CACNA1A: variants seen among roughly 807,000 people sequenced by gnomAD.
The protein encoded by CACNA1A is voltage-dependent P/Q-type calcium channel subunit alpha-1A.
CACNA1A carries 57 observed loss-of-function variants against 262.4 expected under a neutral mutation model. The observed-to-expected ratio is 0.22, with a 90% confidence interval of 0.18 to 0.27. The LOEUF (loss-of-function observed/expected upper bound fraction) is 0.27. Ranked by LOEUF, CACNA1A falls within the 10% of genes least tolerant of loss-of-function variation. The pLI, the probability that CACNA1A is intolerant of heterozygous loss-of-function variation, is 1.00. For synonymous variants in CACNA1A, 1,431 were observed against 1,419.3 expected, an observed-to-expected ratio of 1.01 and a Z score of -0.18; for missense variants, 2,526 against 3,562.8, an observed-to-expected ratio of 0.71 and a Z score of 7.41.
intron 11 of CACNA1A, among the ~76,000 whole-genome samples, chr19:13,315,040 T>C (rs2058098729): frequency 6.6e-6 from 1 of 152,082 alleles, no homozygotes; most frequent in African/African-American, 2.4e-5. Flanking sequence ...TTACTTATCC[T>C]TAGCATTGTT....
intron 6 of CACNA1A, among the ~76,000 whole-genome samples, chr19:13,336,664 TAC>T (rs1274140736): frequency 1.6e-4 from 21 of 133,042 alleles, no homozygotes; most frequent in Admixed American, 3.2e-4. Context: ...AGCCAGCACT[TAC>T]AGAGTATTTA....
rs909499550 is a variant in CACNA1A, at chr19:13,214,227, G to A, written c.5940+6C>T. ...CCAGATGTCCCCAGAGCGGCGAACAGCGCACCTGCTCCTCGCGCATGGCCT... is the reference window on the plus strand; with the variant it reads ...CCAGATGTCCCCAGAGCGGCGAACAACGCACCTGCTCCTCGCGCATGGCCT... On this transcript the variant is annotated splice_donor_region_variant and intron_variant, in intron 40 of 46. Transcript: ENST00000360228. The surrounding 1 kb of genome is among the most constrained non-coding windows in gnomAD (Gnocchi z 4.1). The A allele has an allele frequency of 4.4e-6, 7 of 1,604,428 alleles. No homozygotes were observed. Among genetic ancestry groups the A allele is most frequent in the Non-Finnish European group, 5.1e-6 (6 of 1,178,236 alleles).
chr19:13,324,353 T>C (rs1215952190), intron 10 of CACNA1A, among the ~76,000 whole-genome samples: 2 of 152,214 alleles, frequency 1.3e-5, no homozygotes, highest in Admixed American at 6.5e-5. Context: ...CATTTAGTGA[T>C]GCATTAATAC....
chr19:13,387,102 C>T (rs909198194), intron 3 of CACNA1A, among the ~76,000 whole-genome samples: 2 of 152,052 alleles, frequency 1.3e-5, no homozygotes, highest in African/African-American at 4.8e-5. Flanking sequence ...CAGGCGTGCG[C>T]CACCACGCCT....
chr19:13,234,068 G>GT (rs1568445659), intron 34 of CACNA1A, among the ~76,000 whole-genome samples: 1 of 128,074 alleles, frequency 7.8e-6, no homozygotes, highest in Non-Finnish European at 1.7e-5. Context: ...AAAAAAAAAG[G>GT]GCTGGGCACG....
chr19:13,487,932 A>T (rs1980231071), intron 1 of CACNA1A, among the ~76,000 whole-genome samples: 1 of 151,862 alleles, frequency 6.6e-6, no homozygotes, highest in African/African-American at 2.4e-5. Flanking sequence ...CGGCCTCCCA[A>T]GCAGCTAGGA....
intron 6 of CACNA1A, among the ~76,000 whole-genome samples, chr19:13,358,120 G>A (rs570518499): frequency 6.6e-6 from 1 of 152,330 alleles, no homozygotes; most frequent in African/African-American, 2.4e-5. Flanking sequence ...AGCTATATCT[G>A]CAAAAGTATG....
At chr19:13,437,604 T>C (rs188440162) in intron 3 of CACNA1A, among the ~76,000 whole-genome samples, 1 of 148,600 alleles carries the variant, frequency 6.7e-6, no homozygotes, top group Non-Finnish European at 1.5e-5. Context: ...GGTGGGAGAA[T>C]TGCTTGAACC....
chr19:13,255,783 T>G (rs115452501), intron 28 of CACNA1A, among the ~76,000 whole-genome samples: 1 of 68,432 alleles, frequency 1.5e-5, no homozygotes, highest in Non-Finnish European at 2.8e-5. Context: ...CTCCTTTCCT[T>G]CCTTCCTCCC....
At chr19:13,420,356 G>A (rs1231027390) in intron 3 of CACNA1A, among the ~76,000 whole-genome samples, 5 of 151,900 alleles carry the variant, frequency 3.3e-5, no homozygotes, top group East Asian at 1.9e-4. Context: ...CGTGTTTACC[G>A]AAACCTCAGA....
intron 9 of CACNA1A, among the ~76,000 whole-genome samples, chr19:13,330,947 TGTA>T (rs1178665723): frequency 5.3e-5 from 8 of 152,164 alleles, no homozygotes; most frequent in Non-Finnish European, 1.0e-4. Flanking sequence ...CCCCTTGACC[TGTA>T]GCATACTCGC....
At chr19:13,304,768 G>T (rs1013499828) in intron 15 of CACNA1A, among the ~76,000 whole-genome samples, 1 of 151,792 alleles carries the variant, frequency 6.6e-6, no homozygotes, top group Admixed American at 6.6e-5. Context: ...TAGGAAGAGG[G>T]CCCTCACCAG....
chr19:13,346,030 A>G (rs181544451), intron 6 of CACNA1A, among the ~76,000 whole-genome samples: 11 of 151,194 alleles, frequency 7.3e-5, no homozygotes, highest in Admixed American at 6.6e-4. Flanking sequence ...TCTCCCAAGT[A>G]GCTGAGAGTA....
In CACNA1A at chr19:13,277,284, G is replaced by A. The variant is rs150096421; in HGVS notation, c.3823-156C>T. 2.4e-3 allele frequency: 1,368 copies of A among 573,736 alleles called. 19 individuals carry two copies. The highest frequency in any genetic ancestry group is 0.023 in the African/African-American group (1,247 of 53,230). 35.5% of individuals were successfully genotyped at this position (573,736 alleles called of 1,614,324 possible). A position where few individuals can be genotyped will look rare whatever the true frequency, so the allele number is the denominator to read the frequency against. ...TGCGCAGGGCGTGCACTGCACAAGGGCCCCTCCCATCTCTTTTCATACTGC... is the reference window on the plus strand; with the variant it reads ...TGCGCAGGGCGTGCACTGCACAAGGACCCCTCCCATCTCTTTTCATACTGC... On this transcript the variant is annotated intron_variant, in intron 22 of 46. Transcript: ENST00000360228.
intron 6 of CACNA1A, among the ~76,000 whole-genome samples, chr19:13,343,600 A>AT (rs1461659436): frequency 6.6e-6 from 1 of 152,148 alleles, no homozygotes; most frequent in Admixed American, 6.6e-5. Flanking sequence ...CTCTCAACAA[A>AT]TTTTAAAATA....
At chr19:13,251,572 AT>A (rs1325340908) in intron 30 of CACNA1A, among the ~76,000 whole-genome samples, 2 of 152,216 alleles carry the variant, frequency 1.3e-5, no homozygotes, top group African/African-American at 4.8e-5. Flanking sequence ...GCAATGATGA[AT>A]GCAAATTAAA....
At chr19:13,422,968 G>A (rs1352033997) in intron 3 of CACNA1A, among the ~76,000 whole-genome samples, 1 of 152,208 alleles carries the variant, frequency 6.6e-6, no homozygotes, top group Non-Finnish European at 1.5e-5. Flanking sequence ...TTCTTCCACT[G>A]TAATAAACCA....
chr19:13,234,610 G>C (rs2055803157), intron 34 of CACNA1A, among the ~76,000 whole-genome samples: 1 of 151,968 alleles, frequency 6.6e-6, no homozygotes, highest in South Asian at 2.1e-4. Flanking sequence ...GGATTCCTGG[G>C]CCCCCCACGA....
chr19:13,337,166 C>T (rs1023115122), intron 6 of CACNA1A, among the ~76,000 whole-genome samples: 7 of 152,192 alleles, frequency 4.6e-5, no homozygotes, highest in African/African-American at 1.7e-4. Context: ...TCTCCTGTGG[C>T]TGCTGTAACA....
Sources: allele counts gnomAD v4.1 joint callset (sites outside exome capture counted in the v4.1 genomes callset), GRCh38; gene constraint gnomAD v4.1.1; non-coding constraint Gnocchi (gnomAD v3.1); transcripts MANE v1.5; gene names NCBI Gene and HGNC (gene_info 2026-07-23, HGNC 2026-07-21).